MKRN2: variants seen among roughly 807,000 people sequenced by gnomAD.
The protein encoded by MKRN2 is makorin ring finger protein 2.
MKRN2 carries 32 observed loss-of-function variants against 45.4 expected under a neutral mutation model. That is an observed-to-expected ratio of 0.70 (90% CI 0.53 to 0.95). MKRN2 has a LOEUF of 0.95. MKRN2 is among the 40% of genes least tolerant of loss of function. The probability of loss-of-function intolerance (pLI) is 0.00; values close to 1 mark genes in which losing one functional copy is unlikely to be tolerated. For missense variants in MKRN2, 526 were observed against 536.7 expected (o/e 0.98, Z 0.20); for synonymous variants, 206 against 192.4 (o/e 1.07, Z -0.59).
chr3:12,578,184 C>G (rs1001686820), intron 6 of MKRN2, among the ~76,000 whole-genome samples: 7 of 152,144 alleles, frequency 4.6e-5, no homozygotes, highest in Non-Finnish European at 1.0e-4. Flanking sequence ...TCCTCACTTT[C>G]CAATGGCTGT....
chr3:12,566,407 G>A (rs1422331286), intron 1 of MKRN2, among the ~76,000 whole-genome samples: 1 of 151,488 alleles, frequency 6.6e-6, no homozygotes, highest in Non-Finnish European at 1.5e-5. Flanking sequence ...TTTTTTTACA[G>A]TGAGAAGCCA....
At position 12,572,068 on chromosome 3, in the gene MKRN2, G is replaced by GAT; in HGVS notation, c.338_339dup (p.Leu114IlefsTer15). 2 of 1,594,292 alleles carry GAT rather than the reference G, an allele frequency of 1.3e-6. No homozygotes were observed. Among genetic ancestry groups the GAT allele is most frequent in the Non-Finnish European group, 1.7e-6 (2 of 1,168,706 alleles). Reference sequence around the variant, plus strand: ...GCATGTGTGCTGTGTGTTGTTTTCAGATCTCTCTGGCATGGCTGAAAGGAA... The same window carrying GAT: ...GCATGTGTGCTGTGTGTTGTTTTCAGATATCTCTCTGGCATGGCTGAAAGGAA... On this transcript the variant is annotated frameshift_variant and splice_region_variant. Coordinates refer to ENST00000170447, the MANE Select transcript of MKRN2 (RefSeq NM_014160.5). LOFTEE classifies it high-confidence loss of function.
At chr3:12,557,344 C>T (rs570301636) in intron 1 of MKRN2, among the ~76,000 whole-genome samples, 168 bp downstream of exon 1, 1 of 152,172 alleles carries the variant, frequency 6.6e-6, no homozygotes, top group East Asian at 1.9e-4. Context: ...CCGCCACAGC[C>T]GGGGATCCGG....
At chr3:12,558,899 G>A (rs974626659) in intron 1 of MKRN2, among the ~76,000 whole-genome samples, 45 of 152,258 alleles carry the variant, frequency 3.0e-4, no homozygotes, top group African/African-American at 1.0e-3. Context: ...AGCAACCAGC[G>A]CTCTTCCACA....
At position 12,582,155 on chromosome 3, in the gene MKRN2, C is replaced by T. The variant is rs773542680; in HGVS notation, c.1153C>T (p.Arg385Ter). ...GCGGCTCTGGGATTTCATCGAGAAC[C>T]GAGAAAGCCGGCATGTCCCCAACAA... is the stretch of plus-strand genomic sequence containing the variant. ...SVRLWDFIEN[R>*]ESRHVPNNED... The change falls in exon 8 of 8, where the codon CGA (arginine) becomes TGA (stop). Residue 385 changes from arginine (R) to a stop codon, truncating the protein, a stop_gained. Transcript: ENST00000170447. LOFTEE classifies it high-confidence loss of function. 3.7e-6 allele frequency: 6 copies of T among 1,614,006 alleles called. No individual in the cohort carries two copies. Among genetic ancestry groups the T allele is most frequent in the South Asian group, 2.2e-5 (2 of 91,072 alleles).
At chr3:12,571,808 T>C (rs2058101208) in intron 3 of MKRN2, among the ~76,000 whole-genome samples, 1 of 152,242 alleles carries the variant, frequency 6.6e-6, no homozygotes, top group Non-Finnish European at 1.5e-5. Context: ...TTTGTATAAG[T>C]ATATCCTATT....
chr3:12,570,027 G>A (rs1231189331), intron 2 of MKRN2, 44 bp from the exon 3 acceptor site: 2 of 1,530,518 alleles, frequency 1.3e-6, no homozygotes, highest in East Asian at 2.3e-5. Flanking sequence ...GGAGATGTGT[G>A]TGGGTGGCAT....
At position 12,582,370 on chromosome 3, in the gene MKRN2, G is replaced by A. The variant is rs910661736; in HGVS notation, c.*117G>A. On this transcript the variant is annotated 3_prime_UTR_variant, in exon 8 of 8. Transcript: ENST00000170447. The stretch of plus-strand genomic sequence containing the variant: ...GACGTGTGACTTGGATTTGAGTGGA[G>A]TTGGGCTTAGCCTTAGTCTCATTCA... The A allele has an allele frequency of 2.2e-6, 3 of 1,348,212 alleles. No homozygotes were observed. The African/African-American group carries it at 4.3e-5, about 20-fold the overall frequency. 83.5% of individuals were successfully genotyped at this position (1,348,212 alleles called of 1,614,324 possible).
chr3:12,569,073 A>G (rs955259972), intron 2 of MKRN2, 70 bp downstream of exon 2: 122 of 1,509,928 alleles, frequency 8.1e-5, no homozygotes, highest in Non-Finnish European at 1.1e-4. Context: ...GATAAGGGGG[A>G]AATTTTAATG....
intron 6 of MKRN2, among the ~76,000 whole-genome samples, chr3:12,579,031 T>C (rs991685663): frequency 4.6e-5 from 7 of 152,038 alleles, no homozygotes; most frequent in African/African-American, 1.7e-4. Context: ...AGTCTGGAGA[T>C]TGTTATTGCT....
intron 1 of MKRN2, among the ~76,000 whole-genome samples, chr3:12,566,848 C>G: frequency 6.6e-6 from 1 of 152,230 alleles, no homozygotes. Flanking sequence ...GGTCATCCAC[C>G]CACCTCAGTC....
chr3:12,574,945 T>C lies in MKRN2; in HGVS notation c.796T>C (p.Tyr266His). The stretch of plus-strand genomic sequence containing the variant: ...GATTCTCTCCAATTGCAATCACACG[T>C]ACTGTTTGTCCTGCATCCGGCAGTG... ...FGILSNCNHT[Y>H]CLSCIRQWRC... Residue 266 changes from tyrosine to histidine, a missense_variant, in exon 5 of 8, where the codon TAC becomes CAC. Physicochemically the swap from Tyr to His is moderately conservative, Grantham distance 83. Coordinates refer to ENST00000170447, the MANE Select transcript of MKRN2 (RefSeq NM_014160.5). The C allele has an allele frequency of 6.2e-7, 1 of 1,614,276 alleles. No individual in the cohort carries two copies. Among genetic ancestry groups the C allele is most frequent in the Non-Finnish European group, 8.5e-7 (1 of 1,180,042 alleles).
chr3:12,558,310 G>A (rs2058001222), intron 1 of MKRN2, among the ~76,000 whole-genome samples: 1 of 152,138 alleles, frequency 6.6e-6, no homozygotes, highest in South Asian at 2.1e-4. Flanking sequence ...ACTTTTACTA[G>A]GTTATTTGTA....
chr3:12,570,212 CG>C lies in MKRN2; in HGVS notation c.299del (p.Gly100GlufsTer28). 6.2e-7 allele frequency: 1 copy of C among 1,614,094 alleles called. No homozygotes were observed. The highest frequency in any genetic ancestry group is 8.5e-7 in the Non-Finnish European group (1 of 1,180,004). ...TTGTGAAAACTAACTCACATGAACCCGGAAAGCGTGAAAAGAGAACATTGGT... is the reference window on the plus strand; with the variant it reads ...TTGTGAAAACTAACTCACATGAACCCGAAAGCGTGAAAAGAGAACATTGGT... ...SIVKTNSHEP[G>X]KREKRTLVLR... is the part of the protein sequence containing the mutation. On this transcript the variant is annotated frameshift_variant, in exon 3 of 8. Coordinates refer to ENST00000170447, the MANE Select transcript of MKRN2 (RefSeq NM_014160.5). LOFTEE classifies it high-confidence loss of function.
At chr3:12,565,292 G>T (rs1291168122) in intron 1 of MKRN2, among the ~76,000 whole-genome samples, 1 of 152,084 alleles carries the variant, frequency 6.6e-6, no homozygotes, top group Non-Finnish European at 1.5e-5. Context: ...TATTTATTTG[G>T]TTGTTTTCTC....
At chr3:12,575,114 G>A in intron 5 of MKRN2, 108 bp downstream of exon 5, 1 of 1,020,246 alleles carries the variant, frequency 9.8e-7, no homozygotes, top group Non-Finnish European at 1.4e-6. Flanking sequence ...TAACTGGTGA[G>A]TTCTGGCCCC....
chr3:12,575,031 T>C, intron 5 of MKRN2, 25 bp downstream of exon 5: 1 of 1,598,038 alleles, frequency 6.3e-7, no homozygotes, highest in Non-Finnish European at 8.6e-7. Context: ...GGGTCTTAGC[T>C]GTGGGAGCTA....
At position 12,568,887 on chromosome 3, in the gene MKRN2, T is replaced by C; in HGVS notation, c.39T>C (p.His13=). ...CTTGTCTCTGCAGGTATTTTATGCA[T>C]GGTGTGTGTCGGGAAGGAAGTCAGT... The part of the protein sequence containing the change: ...TKQITCRYFM[H]GVCREGSQCL... Residue 13 remains histidine, a synonymous_variant, in exon 2 of 8, where the codon CAT becomes CAC. Coordinates refer to ENST00000170447, the MANE Select transcript of MKRN2 (RefSeq NM_014160.5). 4.3e-6 allele frequency: 7 copies of C among 1,613,272 alleles called. No individual in the cohort carries two copies. Among genetic ancestry groups the C allele is most frequent in the Non-Finnish European group, 5.9e-6 (7 of 1,179,750 alleles).
chr3:12,582,145 C>G lies in MKRN2; in HGVS notation c.1143C>G (p.Phe381Leu). The G allele has an allele frequency of 6.2e-7, 1 of 1,614,194 alleles. No individual in the cohort carries two copies. Among genetic ancestry groups the G allele is most frequent in the Non-Finnish European group, 8.5e-7 (1 of 1,180,032 alleles). The part of the protein sequence containing the change: ...RFFNSVRLWD[F>L]IENRESRHVP... ...TTAATTCAGTGCGGCTCTGGGATTT[C>G]ATCGAGAACCGAGAAAGCCGGCATG... Residue 381 changes from phenylalanine (F) to leucine (L), a missense_variant, in exon 8 of 8, where the codon TTC (phenylalanine) becomes TTG (leucine). By Grantham distance (22) the Phe-to-Leu change is conservative. Coordinates refer to ENST00000170447, the MANE Select transcript of MKRN2 (RefSeq NM_014160.5).
Sources: gnomAD v4.1 joint callset for allele counts (sites outside exome capture counted in the v4.1 genomes callset) on GRCh38, gnomAD v4.1.1 for gene constraint, MANE v1.5 for transcripts, NCBI Gene and HGNC (gene_info 2026-07-23, HGNC 2026-07-21) for gene names.